The following UNC79 variants were observed in gnomAD, a reference collection of about 807,000 sequenced individuals.
UNC79 encodes unc-79 subunit of NALCN channel complex.
In UNC79, 37 loss-of-function variants were observed where a neutral mutation model predicts 283.1. The ratio of observed to expected loss-of-function variants is 0.13; its 90% CI spans 0.10 to 0.17. The LOEUF (loss-of-function observed/expected upper bound fraction) is 0.17. Among genes scored for constraint, UNC79 ranks in the 10% least tolerant of loss-of-function variants. The probability of loss-of-function intolerance (pLI) is 1.00; values close to 1 mark genes in which losing one functional copy is unlikely to be tolerated. For missense variants in UNC79, 2,272 were observed against 3,211.1 expected, an observed-to-expected ratio of 0.71 and a Z score of 7.07; for synonymous variants, 1,107 against 1,200.2, an observed-to-expected ratio of 0.92 and a Z score of 1.61.
chr14:93,486,511 G>T (rs973718764), intron 4 of UNC79, among the ~76,000 whole-genome samples: 11 of 151,818 alleles, frequency 7.2e-5, no homozygotes, highest in Non-Finnish European at 1.5e-5. Flanking sequence ...AAAATTAGCC[G>T]GGTGTGGGGG....
chr14:93,478,811 C>G (rs909429631), intron 4 of UNC79, among the ~76,000 whole-genome samples: 2 of 152,264 alleles, frequency 1.3e-5, no homozygotes, highest in Admixed American at 6.5e-5. Context: ...TATGTACTTA[C>G]GATCTTATTA....
intron 27 of UNC79, among the ~76,000 whole-genome samples, chr14:93,615,815 G>T (rs990168951): frequency 1.3e-5 from 2 of 151,088 alleles, no homozygotes; most frequent in Admixed American, 6.6e-5. Flanking sequence ...TTTTATATGG[G>T]GTTTGTATAA....
At chr14:93,615,684 A>C (rs528122756) in intron 27 of UNC79, among the ~76,000 whole-genome samples, 5 of 146,768 alleles carry the variant, frequency 3.4e-5, no homozygotes, top group Non-Finnish European at 6.0e-5. Flanking sequence ...TTGCACCACT[A>C]AACTCCAGCC....
chr14:93,340,712 C>G (rs1413785020), intron 1 of UNC79, among the ~76,000 whole-genome samples: 1 of 151,926 alleles, frequency 6.6e-6, no homozygotes, highest in Non-Finnish European at 1.5e-5. Context: ...GCTAGGCCTA[C>G]AGATGTGCAC....
At chr14:93,370,269 C>T (rs751335773) in intron 1 of UNC79, among the ~76,000 whole-genome samples, 14 of 152,008 alleles carry the variant, frequency 9.2e-5, no homozygotes, top group Non-Finnish European at 8.8e-5. Context: ...GAATTTAAAA[C>T]GACTATGATT....
chr14:93,401,324 C>G (rs2055103961), intron 1 of UNC79, among the ~76,000 whole-genome samples: 1 of 152,140 alleles, frequency 6.6e-6, no homozygotes, highest in South Asian at 2.1e-4. Context: ...AGATGAAGAA[C>G]TAGGCAGATA....
At chr14:93,384,673 T>C in intron 1 of UNC79, among the ~76,000 whole-genome samples, 1 of 152,230 alleles carries the variant, frequency 6.6e-6, no homozygotes, top group East Asian at 1.9e-4. Flanking sequence ...TTGTTGATTG[T>C]GTCCTTTGCT....
intron 1 of UNC79, among the ~76,000 whole-genome samples, chr14:93,431,580 G>A (rs1416000087): frequency 6.6e-6 from 1 of 152,166 alleles, no homozygotes; most frequent in Non-Finnish European, 1.5e-5. Context: ...AGCCAGGCAA[G>A]AGGAAAATTA....
chr14:93,448,223 A>T, intron 1 of UNC79, among the ~76,000 whole-genome samples: 1 of 133,148 alleles, frequency 7.5e-6, no homozygotes, highest in South Asian at 2.3e-4. Context: ...CATGTTTGAT[A>T]CTTTCTATTG....
intron 40 of UNC79, among the ~76,000 whole-genome samples, chr14:93,665,046 G>A (rs1017199399): frequency 6.6e-6 from 1 of 151,322 alleles, no homozygotes; most frequent in Non-Finnish European, 1.5e-5. Context: ...GACTATAAAT[G>A]ATATACATAT....
chr14:93,600,453 G>T (rs900633373), intron 24 of UNC79, 116 bp from the exon 25 acceptor site: 4 of 667,126 alleles, frequency 6.0e-6, no homozygotes, highest in African/African-American at 3.6e-5. Flanking sequence ...TTATAAGTTT[G>T]AATTGAGTAG....
At chr14:93,618,150 A>G (rs770873666) in intron 28 of UNC79, 42 bp from the exon 30 acceptor site, 9 of 1,579,412 alleles carry the variant, frequency 5.7e-6, no homozygotes, top group Non-Finnish European at 7.7e-6. Context: ...CTTACCCTCT[A>G]AAATAACCAT....
intron 1 of UNC79, among the ~76,000 whole-genome samples, chr14:93,389,271 G>A (rs969070473): frequency 6.6e-6 from 1 of 152,168 alleles, no homozygotes; most frequent in Non-Finnish European, 1.5e-5. Context: ...AAAATTAAAA[G>A]TAAACTTCTA....
chr14:93,450,447 T>C (rs1252082580), intron 1 of UNC79, among the ~76,000 whole-genome samples: 1 of 152,166 alleles, frequency 6.6e-6, no homozygotes, highest in Admixed American at 6.5e-5. Context: ...CCTTGACTGA[T>C]TGCCCTCTAT....
intron 1 of UNC79, among the ~76,000 whole-genome samples, chr14:93,449,770 ACAT>A (rs2056578294): frequency 6.6e-6 from 1 of 152,204 alleles, no homozygotes; most frequent in Non-Finnish European, 1.5e-5. Context: ...TTGGGTAATA[ACAT>A]CATCAGGGGA....
chr14:93,500,551 C>G (rs897978748), intron 7 of UNC79, among the ~76,000 whole-genome samples: 6 of 152,182 alleles, frequency 3.9e-5, no homozygotes, highest in Non-Finnish European at 8.8e-5. Flanking sequence ...ATGATATTAT[C>G]TAATTTTTTT....
Position 93,694,272 on chromosome 14 carries a change from A to G in UNC79, c.7471-63A>G, listed in dbSNP as rs967055317. On this transcript the variant is annotated intron_variant, in intron 46 of 48. Transcript: ENST00000555664. ...AGGACATCGGTCTTCTGCGGCTGCA[A>G]ACTAGTTTGCAAGGTTTCTATATCA... The G allele has an allele frequency of 9.2e-6, 14 of 1,523,432 alleles. 1 individual carries two copies. The African/African-American group carries it at 1.8e-4, about 19-fold the overall frequency. The allele number at this position is 1,523,432 out of a possible 1,614,324, so 94.4% of individuals were successfully genotyped here. A position where few individuals can be genotyped will look rare whatever the true frequency, so the allele number is the denominator to read the frequency against.
At chr14:93,377,609 T>C (rs2054587956) in intron 1 of UNC79, among the ~76,000 whole-genome samples, 2 of 152,186 alleles carry the variant, frequency 1.3e-5, no homozygotes, top group South Asian at 2.1e-4. Context: ...AGCACAACTC[T>C]CAATCTCTCA....
chr14:93,622,456 G>A (rs1260380005), exon 30 of UNC79: 2 of 1,614,136 alleles, frequency 1.2e-6, no homozygotes, highest in Admixed American at 1.7e-5. Flanking sequence ...GTAGCCCACT[G>A]ACGCTGAAGC....
Sources: allele counts gnomAD v4.1 joint callset (sites outside exome capture counted in the v4.1 genomes callset), GRCh38; gene constraint gnomAD v4.1.1; transcripts MANE v1.5; gene names NCBI Gene and HGNC (gene_info 2026-07-23, HGNC 2026-07-21).